SGSM2: variants seen among roughly 807,000 people sequenced by gnomAD.
SGSM2 encodes small G protein signaling modulator 2, also known as RUN and TBC1 domain containing 1.
A neutral mutation model predicts 126.6 loss-of-function variants in SGSM2; 89 were observed. That is an observed-to-expected ratio of 0.70 (90% CI 0.59 to 0.84). SGSM2 has a LOEUF of 0.84. Among genes scored for constraint, SGSM2 ranks in the 40% least tolerant of loss-of-function variants. The pLI is 0.00. For synonymous variants in SGSM2, 614 were observed against 574.3 expected (o/e 1.07, Z -0.99); for missense variants, 1,404 against 1,416.6 (o/e 0.99, Z 0.14).
rs370954809 is a variant in SGSM2 at position 2,372,927 on chromosome 17, C to G, written c.1789-26C>G. 2.9e-3 allele frequency: 4,535 copies of G among 1,552,670 alleles called. 145 individuals carry two copies. The South Asian group carries it at 0.051, about 17-fold the overall frequency. On this transcript the variant is annotated intron_variant, in intron 15 of 23. Coordinates refer to ENST00000268989, the MANE Select transcript of SGSM2 (RefSeq NM_014853.3). The surrounding 1 kb of genome is among the most constrained non-coding windows in gnomAD (Gnocchi z 6.0). ...GGCCACGGTGACTGTGGAGGCTGCA[C>G]AGTCTTGACTCCCCGGGTCCCTCAG...
In SGSM2 at chr17:2,375,566, G is replaced by A; in HGVS notation, c.2175G>A (p.Gln725=). The change falls in exon 18 of 24, where the codon CAG becomes CAA. Residue 725 remains glutamine, a synonymous_variant. Transcript: ENST00000268989. ...DPEDSRPKPE[Q]EAGPGTPGTA... ...AAGATTCCAGACCAAAACCTGAGCAGGAAGCAGGACCCGGGACTCCGGGCA... is the reference window on the plus strand; with the variant it reads ...AAGATTCCAGACCAAAACCTGAGCAAGAAGCAGGACCCGGGACTCCGGGCA... 6.2e-7 allele frequency: 1 copy of A among 1,613,932 alleles called. No homozygotes were observed. The highest frequency in any genetic ancestry group is 8.5e-7 in the Non-Finnish European group (1 of 1,180,008).
intron 2 of SGSM2, among the ~76,000 whole-genome samples, chr17:2,351,735 A>G (rs1177427873): frequency 1.3e-5 from 2 of 151,748 alleles, no homozygotes; most frequent in Admixed American, 1.3e-4. Flanking sequence ...ACTTTTTTGT[A>G]TTTTTGTAGA....
chr17:2,365,982 G>A (rs2065561248), intron 11 of SGSM2, among the ~76,000 whole-genome samples: 1 of 152,084 alleles, frequency 6.6e-6, no homozygotes, highest in African/African-American at 2.4e-5. Flanking sequence ...CTGACCTTGT[G>A]ATCTGCCTGC....
At chr17:2,348,352 C>T (rs552269978) in intron 2 of SGSM2, among the ~76,000 whole-genome samples, 2 of 152,224 alleles carry the variant, frequency 1.3e-5, no homozygotes, top group East Asian at 1.9e-4. Context: ...TGCAGGAGTT[C>T]GAGACCAGCC....
At position 2,363,029 on chromosome 17, in the gene SGSM2, C is replaced by T. The variant is rs567522591; in HGVS notation, c.567C>T (p.Ala189=). 92 of 1,614,012 alleles carry T rather than the reference C, an allele frequency of 5.7e-5. No individual in the cohort carries two copies. In the Admixed American group the frequency reaches 7.2e-4, roughly 13 times the overall value. ...CALEYTKLKT[A]DHYWTDPSAD... ...TGGAATACACTAAGCTCAAGACAGC[C>T]GATCACTACTGGACTGACCCCTCTG... The change falls in exon 6 of 24, where the codon GCC becomes GCT. Residue 189 remains alanine, a synonymous_variant. Transcript: ENST00000268989. This position sits in a 1 kb window ranked among gnomAD's most constrained non-coding sequence, Gnocchi z 4.2.
At chr17:2,340,733 T>C (rs183030176) in intron 1 of SGSM2, among the ~76,000 whole-genome samples, 3,630 of 151,960 alleles carry the variant, frequency 0.024, 132 homozygotes, top group African/African-American at 0.074. Context: ...TACAGGCGCC[T>C]GCCACCACGC....
chr17:2,352,468 A>T (rs1432898155), intron 2 of SGSM2, among the ~76,000 whole-genome samples: 1 of 152,144 alleles, frequency 6.6e-6, no homozygotes, highest in African/African-American at 2.4e-5. Context: ...GGAGCAAGCC[A>T]CACCTGCCAA....
chr17:2,361,653 C>T lies in SGSM2; in HGVS notation c.150C>T (p.Cys50=), dbSNP rs765030198. ...IIALCGAVEA[C]LLHQLRRRAA... is the part of the protein sequence containing the mutation. ...GTGGCCTAGGTGCAGTGGAGGCTTG[C>T]CTCTTGCATCAGCTGAGACGCCGTG... The change falls in exon 3 of 24, where the codon TGC becomes TGT. Residue 50 remains cysteine, a synonymous_variant. Coordinates refer to ENST00000268989, the MANE Select transcript of SGSM2 (RefSeq NM_014853.3). 4 of 1,613,768 alleles carry T rather than the reference C, an allele frequency of 2.5e-6. No individual in the cohort carries two copies. The highest frequency in any genetic ancestry group is 3.4e-6 in the Non-Finnish European group (4 of 1,179,966).
In SGSM2 at chr17:2,364,988, G is replaced by C. The variant is rs770518576; in HGVS notation, c.1092G>C (p.Leu364=). 1 of 1,613,560 alleles carries C rather than the reference G, an allele frequency of 6.2e-7. No homozygotes were observed. The change falls in exon 10 of 24, where the codon CTG becomes CTC. Residue 364 remains leucine (L), a synonymous_variant. Coordinates refer to ENST00000268989, the MANE Select transcript of SGSM2 (RefSeq NM_014853.3). ...AGGGAGGACACCTGCTGTCCTTTCT[G>C]TCCTGTCTGGAGAATGGGCTGCTGC... ...FPQGGHLLSF[L]SCLENGLLPR... is the part of the protein sequence containing the mutation.
chr17:2,337,860 C>A lies in SGSM2; in HGVS notation c.57+115C>A. 1.6e-6 allele frequency: 1 copy of A among 607,740 alleles called. No homozygotes were observed. Among genetic ancestry groups the A allele is most frequent in the Non-Finnish European group, 2.4e-6 (1 of 413,100 alleles). The allele number at this position is 607,740 out of a possible 1,614,324, so 37.6% of individuals were successfully genotyped here. A position where few individuals can be genotyped will look rare whatever the true frequency, so the allele number is the denominator to read the frequency against. ...GCACCCGGGCCGAACCTGGGCCGGGCGGGGCGGGTCCTGGACGGGCTGCGC... is the reference window on the plus strand; with the variant it reads ...GCACCCGGGCCGAACCTGGGCCGGGAGGGGCGGGTCCTGGACGGGCTGCGC... On this transcript the variant is annotated intron_variant, in intron 1 of 23. Transcript: ENST00000268989. The surrounding 1 kb of genome is among the most constrained non-coding windows in gnomAD (Gnocchi z 5.1).
chr17:2,340,789 T>C (rs1341230495), intron 1 of SGSM2, among the ~76,000 whole-genome samples: 2 of 152,018 alleles, frequency 1.3e-5, no homozygotes, highest in African/African-American at 4.8e-5. Flanking sequence ...TTTCACCATG[T>C]TAGCCAGGAT....
chr17:2,373,643 G>A (rs2065990987), intron 17 of SGSM2, 130 bp downstream of exon 17: 2 of 783,354 alleles, frequency 2.6e-6, no homozygotes, highest in Non-Finnish European at 4.0e-6. Flanking sequence ...AGGTGCCTGT[G>A]TCTCATTTTC....
chr17:2,342,169 C>CACTTTGGG (rs1283675238), intron 1 of SGSM2, among the ~76,000 whole-genome samples: 1 of 151,888 alleles, frequency 6.6e-6, no homozygotes. Context: ...GTAATCCCAG[C>CACTTTGGG]ACTTTGGGAG....
In SGSM2 at chr17:2,379,050, G is replaced by A. The variant is rs371961103; in HGVS notation, c.2914G>A (p.Asp972Asn). 2.5e-6 allele frequency: 4 copies of A among 1,614,042 alleles called. No homozygotes were observed. Among genetic ancestry groups the A allele is most frequent in the South Asian group, 2.2e-5 (2 of 91,090 alleles). ...ACTCTCCGCAGAACTGCTGTATGAG[G>A]ATGTGTTTGCTGTGTGGGAGGTGAT... ...LDFKRELLYE[D>N]VFAVWEVIWA... is the part of the protein sequence containing the mutation. Residue 972 changes from aspartate to asparagine, a missense_variant, in exon 23 of 24, where the codon GAT (aspartate) becomes AAT (asparagine). Transcript: ENST00000268989.
Position 2,367,763 on chromosome 17 carries a change from C to CTGAT in SGSM2, c.1423+361_1423+364dup, listed in dbSNP as rs1449872035. 6.6e-6 allele frequency among the ~76,000 whole-genome samples: 1 copy of CTGAT among 152,238 alleles called. No homozygotes were observed. The highest frequency in any genetic ancestry group is 2.4e-5 in the African/African-American group (1 of 41,458). On this transcript the variant is annotated intron_variant, in intron 12 of 23. Coordinates refer to ENST00000268989, the MANE Select transcript of SGSM2 (RefSeq NM_014853.3). The surrounding 1 kb of genome is among the most constrained non-coding windows in gnomAD (Gnocchi z 4.0). Reference sequence around the variant, plus strand: ...ACAGAGGTCTCTTCCTTTCTCTCTGCTGATTGGGAAGACCAGCCTCTGGGC... The same window carrying CTGAT: ...ACAGAGGTCTCTTCCTTTCTCTCTGCTGATTGATTGGGAAGACCAGCCTCTGGGC...
chr17:2,379,781 CCT>C lies in SGSM2; in HGVS notation c.*265_*266del, dbSNP rs759461390. On this transcript the variant is annotated 3_prime_UTR_variant, in exon 24 of 24. Transcript: ENST00000268989. ...TTGGGGGACACACCTACTCTGCTCC[CCT>C]CTCACACATCTGGGAGTAGCCCCAC... The C allele has an allele frequency of 3.8e-5, 52 of 1,359,148 alleles. No individual in the cohort carries two copies. Among genetic ancestry groups the C allele is most frequent in the African/African-American group, 8.7e-5 (6 of 68,688 alleles). The allele number at this position is 1,359,148 out of a possible 1,614,324, so 84.2% of individuals were successfully genotyped here.
rs372138218 is a variant in SGSM2, at chr17:2,362,310, C to T, written c.458+40C>T. 1.6e-4 allele frequency: 249 copies of T among 1,580,466 alleles called. 1 individual carries two copies. In the Admixed American group the frequency reaches 1.9e-3, roughly 12 times the overall value. ...CCCCAAAAACTGCAGGTGACCACCC[C>T]GTTCCCCCCAAAACTGCAGGTGACC... On this transcript the variant is annotated intron_variant, in intron 4 of 23. Transcript: ENST00000268989. This position sits in a 1 kb window ranked among gnomAD's most constrained non-coding sequence, Gnocchi z 4.9.
At chr17:2,377,089 T>C (rs1200322872) in intron 21 of SGSM2, 21 bp downstream of exon 21, 2 of 1,534,702 alleles carry the variant, frequency 1.3e-6, no homozygotes, top group Non-Finnish European at 1.8e-6. Flanking sequence ...TTGCCACCCA[T>C]GGGCATGGGA....
At position 2,363,817 on chromosome 17, in the gene SGSM2, G is replaced by A; in HGVS notation, c.807+218G>A. ...AGCAGGCGAGGGGAGTCCGCAGTGTGGGTATGGCTGGCCTGGAATGGACCT... is the reference window on the plus strand; with the variant it reads ...AGCAGGCGAGGGGAGTCCGCAGTGTAGGTATGGCTGGCCTGGAATGGACCT... On this transcript the variant is annotated intron_variant, in intron 7 of 23. Transcript: ENST00000268989. The surrounding 1 kb of genome is among the most constrained non-coding windows in gnomAD (Gnocchi z 4.2). 6 of 809,598 alleles carry A rather than the reference G, an allele frequency of 7.4e-6. No homozygotes were observed. The highest frequency in any genetic ancestry group is 3.7e-4 in the Middle Eastern group (1 of 2,718). 50.2% of individuals were successfully genotyped at this position (809,598 alleles called of 1,614,324 possible).
Sources: allele counts gnomAD v4.1 joint callset (sites outside exome capture counted in the v4.1 genomes callset), GRCh38; gene constraint gnomAD v4.1.1; non-coding constraint Gnocchi (gnomAD v3.1); transcripts MANE v1.5; gene names NCBI Gene and HGNC (gene_info 2026-07-23, HGNC 2026-07-21).